TBC1D4: variants seen among roughly 807,000 people sequenced by gnomAD.
TBC1D4 encodes the protein TBC (Tre-2, BUB2, CDC16) domain-containing protein.
A neutral mutation model predicts 142.5 loss-of-function variants in TBC1D4; 121 were observed. That is an observed-to-expected ratio of 0.85 (90% CI 0.73 to 0.99). The LOEUF is 0.99. Ranked by LOEUF, TBC1D4 falls within the 50% of genes least tolerant of loss-of-function variation. TBC1D4 has a pLI of 0.00. For missense variants in TBC1D4, 1,475 were observed against 1,606.6 expected, an observed-to-expected ratio of 0.92 and a Z score of 1.40; for synonymous variants, 630 against 628.2, an observed-to-expected ratio of 1.00 and a Z score of -0.04.
At chr13:75,288,826 T>C in intron 20 of TBC1D4, 108 bp downstream of exon 20, 1 of 1,173,626 alleles carries the variant, frequency 8.5e-7, no homozygotes, top group East Asian at 2.4e-5. Context: ...CATGGGCTCT[T>C]GGTTAGCAAT....
chr13:75,395,947 C>A (rs879522055), intron 1 of TBC1D4, among the ~76,000 whole-genome samples: 4 of 152,132 alleles, frequency 2.6e-5, no homozygotes, highest in Admixed American at 2.0e-4. Context: ...CTTGTTTAAG[C>A]CTCTTTATTT....
intron 1 of TBC1D4, among the ~76,000 whole-genome samples, chr13:75,415,458 A>C (rs1885878480): frequency 1.3e-5 from 2 of 152,230 alleles, no homozygotes; most frequent in Admixed American, 1.3e-4. Flanking sequence ...AAACCATCTG[A>C]GAGTACTTCA....
intron 13 of TBC1D4, among the ~76,000 whole-genome samples, 183 bp downstream of exon 13, chr13:75,312,555 A>G (rs1313197810): frequency 6.6e-6 from 1 of 152,224 alleles, no homozygotes; most frequent in Non-Finnish European, 1.5e-5. Context: ...TCATTCATTC[A>G]ACAAGCAGGT....
At chr13:75,445,378 G>A (rs1010141708) in intron 1 of TBC1D4, among the ~76,000 whole-genome samples, 2 of 152,080 alleles carry the variant, frequency 1.3e-5, no homozygotes, top group African/African-American at 4.8e-5. Context: ...GACACACTGG[G>A]CTTGTTGTAG....
chr13:75,316,149 G>A (rs1471620199), intron 12 of TBC1D4, among the ~76,000 whole-genome samples: 1 of 152,138 alleles, frequency 6.6e-6, no homozygotes. Context: ...CAGCTTTTAA[G>A]AATCACCTTC....
At chr13:75,426,818 G>T (rs1039179134) in intron 1 of TBC1D4, among the ~76,000 whole-genome samples, 1 of 151,528 alleles carries the variant, frequency 6.6e-6, no homozygotes, top group Non-Finnish European at 1.5e-5. Context: ...GAGGCAGGTA[G>T]ATTGCTCAAG....
intron 14 of TBC1D4, among the ~76,000 whole-genome samples, chr13:75,306,952 TA>T (rs1877246049): frequency 6.6e-6 from 1 of 152,184 alleles, no homozygotes; most frequent in Non-Finnish European, 1.5e-5. Flanking sequence ...CCATGTTCGT[TA>T]TTTTCTCTTT....
chr13:75,438,339 C>A (rs1462463300), intron 1 of TBC1D4, among the ~76,000 whole-genome samples: 2 of 152,220 alleles, frequency 1.3e-5, no homozygotes, highest in East Asian at 3.8e-4. Flanking sequence ...AGAAACATTT[C>A]ATTAACTATG....
intron 17 of TBC1D4, among the ~76,000 whole-genome samples, chr13:75,298,418 C>G (rs565764345): frequency 6.6e-6 from 1 of 152,300 alleles, no homozygotes; most frequent in East Asian, 1.9e-4. Flanking sequence ...TAATACCCCA[C>G]TCAAAATACC....
At chr13:75,454,024 TA>T (rs1224784285) in intron 1 of TBC1D4, among the ~76,000 whole-genome samples, 2 of 99,576 alleles carry the variant, frequency 2.0e-5, no homozygotes, top group Admixed American at 9.4e-5. Context: ...AATAAATCTC[TA>T]TTTTTTTTTT....
At chr13:75,306,500 C>A in intron 14 of TBC1D4, 29 bp from the exon 15 acceptor site, 1 of 1,610,840 alleles carries the variant, frequency 6.2e-7, no homozygotes, top group South Asian at 1.1e-5. Context: ...TACGTAAGAC[C>A]AATGTGTTTT....
In TBC1D4 at chr13:75,302,408, T is replaced by A. The variant is rs1198670809; in HGVS notation, c.2753-7A>T. On this transcript the variant is annotated splice_region_variant and splice_polypyrimidine_tract_variant and intron_variant, in intron 15 of 20. Coordinates refer to ENST00000377636, the MANE Select transcript of TBC1D4 (RefSeq NM_014832.5). ...CGTCGACTTTTGGGAACTCCTACAA[T>A]GAAGGAGATAAATAACCAAGGCCTT... is the stretch of plus-strand genomic sequence containing the variant. 7 of 1,613,984 alleles carry A rather than the reference T, an allele frequency of 4.3e-6. No individual in the cohort carries two copies. In the South Asian group the frequency reaches 6.6e-5, roughly 15 times the overall value.
chr13:75,471,722 C>T (rs1566514807), intron 1 of TBC1D4, among the ~76,000 whole-genome samples: 2 of 132,680 alleles, frequency 1.5e-5, no homozygotes, highest in Admixed American at 1.6e-4. Flanking sequence ...GCCTAGGTGA[C>T]GGTGAGACTG....
chr13:75,356,857 T>C (rs1036029095), intron 3 of TBC1D4, among the ~76,000 whole-genome samples: 1 of 152,070 alleles, frequency 6.6e-6, no homozygotes, highest in Non-Finnish European at 1.5e-5. Flanking sequence ...CTATATCCCA[T>C]TAAAAAAAAT....
At chr13:75,430,114 A>G (rs2138155871) in intron 1 of TBC1D4, among the ~76,000 whole-genome samples, 1 of 152,310 alleles carries the variant, frequency 6.6e-6, no homozygotes, top group African/African-American at 2.4e-5. Context: ...TGACAAATAC[A>G]CATGACAGTT....
chr13:75,438,140 C>T (rs1886875044), intron 1 of TBC1D4, among the ~76,000 whole-genome samples: 1 of 152,176 alleles, frequency 6.6e-6, no homozygotes. Flanking sequence ...AGACAACTTC[C>T]ACCTGTTGAA....
At chr13:75,335,750 C>G (rs1880142535) in intron 8 of TBC1D4, among the ~76,000 whole-genome samples, 1 of 152,276 alleles carries the variant, frequency 6.6e-6, no homozygotes, top group Non-Finnish European at 1.5e-5. Context: ...TCTCACTCCC[C>G]CTTTGCCTTC....
chr13:75,412,412 A>G (rs1885714807), intron 1 of TBC1D4, among the ~76,000 whole-genome samples: 1 of 152,058 alleles, frequency 6.6e-6, no homozygotes, highest in Admixed American at 6.5e-5. Context: ...GTTCCTGAGT[A>G]GCTGGGATCA....
At chr13:75,353,647 C>T (rs1305765239) in intron 4 of TBC1D4, among the ~76,000 whole-genome samples, 1 of 151,962 alleles carries the variant, frequency 6.6e-6, no homozygotes, top group Admixed American at 6.6e-5. Context: ...AGAAAGGCTT[C>T]GGTAGGATGT....
Sources: allele counts gnomAD v4.1 joint callset (sites outside exome capture counted in the v4.1 genomes callset), GRCh38; gene constraint gnomAD v4.1.1; transcripts MANE v1.5; gene names NCBI Gene and HGNC (gene_info 2026-07-23, HGNC 2026-07-21).